Variants in GRID2 observed in about 807,000 individuals in gnomAD.
GRID2 encodes the protein glutamate receptor ionotropic, delta-2.
In GRID2, 33 loss-of-function variants were observed where a neutral mutation model predicts 114.8. That is an observed-to-expected ratio of 0.29 (90% confidence interval 0.22 to 0.38). GRID2 has a LOEUF of 0.38. Among genes scored for constraint, GRID2 ranks in the 10% least tolerant of loss-of-function variants. GRID2 has a pLI of 1.00. For missense variants in GRID2, 1,184 were observed against 1,257.7 expected (o/e 0.94, Z 0.89); for synonymous variants, 505 against 449.9 (o/e 1.12, Z -1.55).
intron 14 of GRID2, among the ~76,000 whole-genome samples, chr4:93,733,735 AG>A (rs1235193411): frequency 6.6e-6 from 1 of 152,130 alleles, no homozygotes; most frequent in African/African-American, 2.4e-5. Flanking sequence ...ATTAGAACTC[AG>A]TGTCAGATTT....
chr4:92,763,108 G>T (rs188350170), intron 2 of GRID2, among the ~76,000 whole-genome samples: 94 of 152,248 alleles, frequency 6.2e-4, no homozygotes, highest in African/African-American at 2.2e-3. Context: ...AGCTAGGTAG[G>T]CTACAGGGAA....
At chr4:93,599,456 A>C (rs1739451923) in intron 13 of GRID2, among the ~76,000 whole-genome samples, 1 of 152,238 alleles carries the variant, frequency 6.6e-6, no homozygotes, top group African/African-American at 2.4e-5. Context: ...AGAAAGTCTC[A>C]CAAAAATAAT....
At chr4:93,019,174 A>G (rs958431752) in intron 2 of GRID2, among the ~76,000 whole-genome samples, 25 of 152,142 alleles carry the variant, frequency 1.6e-4, no homozygotes, top group Non-Finnish European at 3.5e-4. Context: ...ATGATATTTC[A>G]TTTATAAATT....
At chr4:93,451,258 GT>G (rs1369430499) in intron 10 of GRID2, among the ~76,000 whole-genome samples, 1 of 152,044 alleles carries the variant, frequency 6.6e-6, no homozygotes, top group East Asian at 1.9e-4. Flanking sequence ...GATTGCAGCT[GT>G]CATAGTGGCT....
intron 2 of GRID2, among the ~76,000 whole-genome samples, chr4:92,774,577 C>CTTTTTT (rs1166044188): frequency 2.4e-4 from 26 of 106,362 alleles, no homozygotes; most frequent in East Asian, 5.4e-4. Flanking sequence ...TTTTTCTTTC[C>CTTTTTT]TTTTTTTTTT....
chr4:92,919,572 A>C (rs1749127523), intron 2 of GRID2, among the ~76,000 whole-genome samples: 1 of 152,182 alleles, frequency 6.6e-6, no homozygotes, highest in Non-Finnish European at 1.5e-5. Context: ...CATTGGTTTC[A>C]AAGAACATCT....
At chr4:92,470,996 G>A (rs201709944) in intron 1 of GRID2, among the ~76,000 whole-genome samples, 69 of 109,526 alleles carry the variant, frequency 6.3e-4, no homozygotes, top group Non-Finnish European at 1.0e-3. Context: ...AGTAGGTTGT[G>A]TAGTATATTG....
intron 4 of GRID2, among the ~76,000 whole-genome samples, chr4:93,204,486 A>C (rs1479003476): frequency 2.0e-5 from 3 of 152,172 alleles, no homozygotes; most frequent in African/African-American, 4.8e-5. Flanking sequence ...TTAGATGTTA[A>C]TACTCATGAA....
intron 4 of GRID2, among the ~76,000 whole-genome samples, chr4:93,155,894 T>C (rs1174189881): frequency 6.6e-6 from 1 of 151,408 alleles, no homozygotes; most frequent in Non-Finnish European, 1.5e-5. Flanking sequence ...ATGAATAAGA[T>C]CTAGTATATG....
intron 2 of GRID2, among the ~76,000 whole-genome samples, chr4:92,782,817 G>C (rs751830250): frequency 1.1e-4 from 17 of 152,016 alleles, no homozygotes; most frequent in Non-Finnish European, 2.5e-4. Flanking sequence ...GTTTGGAGGA[G>C]ATTTAGGTCT....
intron 13 of GRID2, among the ~76,000 whole-genome samples, chr4:93,536,302 C>G (rs1732066623): frequency 6.6e-6 from 1 of 151,846 alleles, no homozygotes. Flanking sequence ...TGATTGGAAA[C>G]TGTATTGCAA....
chr4:92,627,395 T>G (rs941893176), intron 2 of GRID2, among the ~76,000 whole-genome samples: 2 of 152,142 alleles, frequency 1.3e-5, no homozygotes, highest in African/African-American at 4.8e-5. Flanking sequence ...AACAAAAACA[T>G]AACTTAAAAT....
At chr4:92,367,053 C>T (rs1228646212) in intron 1 of GRID2, among the ~76,000 whole-genome samples, 7 of 152,006 alleles carry the variant, frequency 4.6e-5, no homozygotes, top group Non-Finnish European at 7.4e-5. Context: ...TGACATTCTG[C>T]CATTAATTTT....
At chr4:93,348,775 G>C (rs922333923) in intron 8 of GRID2, among the ~76,000 whole-genome samples, 1 of 152,120 alleles carries the variant, frequency 6.6e-6, no homozygotes, top group Non-Finnish European at 1.5e-5. Flanking sequence ...ACTACACGTA[G>C]AGGGAAAACA....
intron 14 of GRID2, among the ~76,000 whole-genome samples, chr4:93,627,116 C>T (rs1742803481): frequency 6.6e-6 from 1 of 152,172 alleles, no homozygotes; most frequent in Non-Finnish European, 1.5e-5. Flanking sequence ...ACAAAGATTA[C>T]TGCATTTCAT....
At chr4:93,592,060 G>T (rs893965996) in intron 13 of GRID2, among the ~76,000 whole-genome samples, 3 of 152,000 alleles carry the variant, frequency 2.0e-5, no homozygotes. Flanking sequence ...ATTTCCTTCA[G>T]TTCTGCTCTG....
At chr4:92,520,246 CT>C (rs1175717852) in intron 1 of GRID2, among the ~76,000 whole-genome samples, 4 of 151,690 alleles carry the variant, frequency 2.6e-5, no homozygotes, top group African/African-American at 7.3e-5. Flanking sequence ...GTTTACTCTT[CT>C]TCAGGATAAT....
At chr4:92,580,889 T>G (rs1008125599) in intron 1 of GRID2, among the ~76,000 whole-genome samples, 13 of 123,074 alleles carry the variant, frequency 1.1e-4, no homozygotes, top group Non-Finnish European at 6.9e-5. Context: ...TTTGCCTATT[T>G]GTTTTTTTTT....
chr4:92,939,164 A>T (rs955993561), intron 2 of GRID2, among the ~76,000 whole-genome samples: 1 of 147,392 alleles, frequency 6.8e-6, no homozygotes, highest in African/African-American at 2.4e-5. Context: ...TGGTTGAACT[A>T]GTTTACAGTC....
Sources: allele counts gnomAD v4.1 joint callset (sites outside exome capture counted in the v4.1 genomes callset), GRCh38; gene constraint gnomAD v4.1.1; transcripts MANE v1.5; gene names NCBI Gene and HGNC (gene_info 2026-07-23, HGNC 2026-07-21).